Variants in LRRC7 observed in about 807,000 individuals in gnomAD.
LRRC7 encodes leucine rich repeat containing 7.
In LRRC7, 23 loss-of-function variants were observed where a neutral mutation model predicts 175.7. The observed-to-expected ratio is 0.13, with a 90% CI of 0.09 to 0.19. The LOEUF is 0.19. Ranked by LOEUF, LRRC7 falls within the 10% of genes least tolerant of loss-of-function variation. The pLI is 1.00. For missense variants in LRRC7, 1,354 were observed against 1,904.7 expected, an observed-to-expected ratio of 0.71 and a Z score of 5.38; for synonymous variants, 685 against 680.9, an observed-to-expected ratio of 1.01 and a Z score of -0.09.
intron 8 of LRRC7, among the ~76,000 whole-genome samples, chr1:69,976,711 AC>A (rs1652857410): frequency 6.6e-6 from 1 of 151,922 alleles, no homozygotes; most frequent in East Asian, 1.9e-4. Flanking sequence ...GACTCTAGTC[AC>A]CCTTACACTT....
At chr1:69,934,505 CGGG>C (rs796318018) in intron 8 of LRRC7, among the ~76,000 whole-genome samples, 5 of 29,016 alleles carry the variant, frequency 1.7e-4, no homozygotes, top group South Asian at 3.1e-3. Flanking sequence ...GGGGGGGGGG[CGGG>C]GGGTGGGGGG....
At chr1:69,654,640 C>T (rs966706299) in intron 1 of LRRC7, among the ~76,000 whole-genome samples, 8 of 152,036 alleles carry the variant, frequency 5.3e-5, no homozygotes, top group African/African-American at 1.9e-4. Flanking sequence ...GGAAATCCAG[C>T]TTCTTAATTT....
intron 1 of LRRC7, among the ~76,000 whole-genome samples, chr1:69,661,742 C>T (rs564739273): frequency 1.3e-5 from 2 of 152,114 alleles, no homozygotes; most frequent in Admixed American, 1.3e-4. Flanking sequence ...GTCTTTACTT[C>T]CCCAGATTAT....
chr1:69,736,669 C>T (rs539358665), intron 2 of LRRC7, among the ~76,000 whole-genome samples: 1 of 152,094 alleles, frequency 6.6e-6, no homozygotes, highest in Admixed American at 6.6e-5. Context: ...ATAGTAAAGC[C>T]ATCACCTATT....
intron 8 of LRRC7, among the ~76,000 whole-genome samples, chr1:69,943,165 C>T (rs2101803132): frequency 6.6e-6 from 1 of 152,190 alleles, no homozygotes; most frequent in Non-Finnish European, 1.5e-5. Flanking sequence ...TGCAAACCAA[C>T]ATTATTGATA....
chr1:69,843,076 G>C (rs993957259), intron 7 of LRRC7, among the ~76,000 whole-genome samples: 8 of 152,020 alleles, frequency 5.3e-5, no homozygotes, highest in South Asian at 2.1e-4. Context: ...GCATACACCT[G>C]TAACCCCAGC....
chr1:70,053,960 T>G (rs1660937536), intron 23 of LRRC7, among the ~76,000 whole-genome samples: 1 of 152,170 alleles, frequency 6.6e-6, no homozygotes, highest in Non-Finnish European at 1.5e-5. Context: ...TGGCAAAAAT[T>G]AAGAAATCTG....
intron 1 of LRRC7, among the ~76,000 whole-genome samples, chr1:69,636,941 CT>C (rs1309519153): frequency 6.6e-6 from 1 of 151,858 alleles, no homozygotes; most frequent in African/African-American, 2.4e-5. Context: ...GATGTTTCAA[CT>C]TTGTTTATGA....
At position 70,122,543 on chromosome 1, in the gene LRRC7, C is replaced by T. The variant is rs545788197; in HGVS notation, c.*656C>T. 1 of 152,070 alleles carries T rather than the reference C, an allele frequency of 6.6e-6. No homozygotes were observed. The highest frequency in any genetic ancestry group is 1.9e-4 in the East Asian group (1 of 5,172). 9.4% of individuals were successfully genotyped at this position (152,070 alleles called of 1,614,324 possible). A position where few individuals can be genotyped will look rare whatever the true frequency, so the allele number is the denominator to read the frequency against. ...ATATTCATTTGCTAAATTCTCATGA[C>T]ACAGAGTGAAATATTTCATAAATTA... On this transcript the variant is annotated 3_prime_UTR_variant, in exon 27 of 27. Transcript: ENST00000651989.
intron 24 of LRRC7, among the ~76,000 whole-genome samples, chr1:70,083,169 T>C (rs971584484): frequency 6.6e-6 from 1 of 152,174 alleles, no homozygotes; most frequent in South Asian, 2.1e-4. Flanking sequence ...GATTTGAATA[T>C]AGAAGAATTT....
At chr1:69,634,097 A>G (rs1393649378) in intron 1 of LRRC7, among the ~76,000 whole-genome samples, 1 of 152,112 alleles carries the variant, frequency 6.6e-6, no homozygotes, top group Non-Finnish European at 1.5e-5. Context: ...TTTTGAAAGT[A>G]CTTACAATCT....
At chr1:70,017,061 T>A (rs1195992401) in intron 14 of LRRC7, among the ~76,000 whole-genome samples, 1 of 152,136 alleles carries the variant, frequency 6.6e-6, no homozygotes, top group Non-Finnish European at 1.5e-5. Context: ...ACAGATCACT[T>A]GAGGTCAGGA....
intron 2 of LRRC7, among the ~76,000 whole-genome samples, chr1:69,696,002 C>T (rs573121950): frequency 2.0e-5 from 3 of 152,182 alleles, no homozygotes; most frequent in Non-Finnish European, 4.4e-5. Context: ...AGTCAGAGTC[C>T]GCACTGGAGC....
At chr1:69,604,044 T>TA (rs1251782712) in intron 1 of LRRC7, among the ~76,000 whole-genome samples, 1 of 152,162 alleles carries the variant, frequency 6.6e-6, no homozygotes, top group Non-Finnish European at 1.5e-5. Context: ...TGCTTTTTTT[T>TA]ACCTTATCAA....
intron 8 of LRRC7, among the ~76,000 whole-genome samples, chr1:69,960,861 CCACA>C: frequency 6.6e-6 from 1 of 151,954 alleles, no homozygotes; most frequent in African/African-American, 2.4e-5. Flanking sequence ...TATGGCAAAA[CCACA>C]GCCAATATCA....
intron 7 of LRRC7, among the ~76,000 whole-genome samples, chr1:69,882,855 T>C (rs1371256138): frequency 1.3e-5 from 2 of 148,310 alleles, no homozygotes; most frequent in Admixed American, 6.9e-5. Context: ...TGAGTGAGAA[T>C]ATGCGGTGTT....
intron 4 of LRRC7, among the ~76,000 whole-genome samples, chr1:69,812,569 T>C (rs760591523): frequency 1.2e-4 from 18 of 152,132 alleles, no homozygotes; most frequent in Non-Finnish European, 2.2e-4. Flanking sequence ...AAAAAATTTT[T>C]AGCAATTAAA....
Position 70,134,626 on chromosome 1 carries a change from A to G in LRRC7, c.*12739A>G, listed in dbSNP as rs1666795018. Among the ~76,000 whole-genome samples, 1 of 151,936 alleles carries G rather than the reference A, an allele frequency of 6.6e-6. No individual in the cohort carries two copies. Among genetic ancestry groups the G allele is most frequent in the Admixed American group, 6.6e-5 (1 of 15,258 alleles). On this transcript the variant is annotated 3_prime_UTR_variant, in exon 27 of 27. Transcript: ENST00000651989. ...TTTATATCCTCTGGTGTTTTCCTCC[A>G]AAAAAAACAATTTCCTTCTAGCCAC...
chr1:69,586,398 A>C (rs1037505500), intron 1 of LRRC7, among the ~76,000 whole-genome samples: 15 of 152,230 alleles, frequency 9.9e-5, no homozygotes, highest in African/African-American at 3.6e-4. Context: ...GGGCAGGGAC[A>C]GATGACTTTA....
Sources: allele counts gnomAD v4.1 joint callset (sites outside exome capture counted in the v4.1 genomes callset), GRCh38; gene constraint gnomAD v4.1.1; transcripts MANE v1.5; gene names NCBI Gene and HGNC (gene_info 2026-07-23, HGNC 2026-07-21).